OPCML: variants seen among roughly 807,000 people sequenced by gnomAD.
OPCML encodes the protein opioid binding protein/cell adhesion molecule like, also known as opioid-binding protein/cell adhesion molecule.
OPCML carries 13 observed loss-of-function variants against 37.8 expected under a neutral mutation model. The ratio of observed to expected loss-of-function variants is 0.34; its 90% confidence interval spans 0.22 to 0.55. The LOEUF (loss-of-function observed/expected upper bound fraction) is 0.55. Ranked by LOEUF, OPCML falls within the 20% of genes least tolerant of loss-of-function variation. OPCML has a pLI of 0.91. For missense variants in OPCML, 341 were observed against 435.6 expected (o/e 0.78, Z 1.93); for synonymous variants, 176 against 168.8 (o/e 1.04, Z -0.33).
At chr11:133,120,690 A>G (rs1292376602) in intron 1 of OPCML, among the ~76,000 whole-genome samples, 2 of 152,208 alleles carry the variant, frequency 1.3e-5, no homozygotes, top group Non-Finnish European at 2.9e-5. Flanking sequence ...AATGAATGAA[A>G]TCAGTTTGGA....
intron 3 of OPCML, among the ~76,000 whole-genome samples, chr11:132,637,403 G>A (rs1032225160): frequency 2.0e-5 from 3 of 152,088 alleles, no homozygotes; most frequent in Non-Finnish European, 2.9e-5. Context: ...CTGCTGTTGA[G>A]GCTGTTGAAG....
intron 1 of OPCML, among the ~76,000 whole-genome samples, chr11:133,194,142 C>G (rs990713746): frequency 6.6e-6 from 1 of 151,820 alleles, no homozygotes; most frequent in African/African-American, 2.4e-5. Context: ...CCAAACCTGA[C>G]TCCCTCCACT....
At chr11:133,474,990 C>T (rs1422533082) in intron 1 of OPCML, among the ~76,000 whole-genome samples, 1 of 152,124 alleles carries the variant, frequency 6.6e-6, no homozygotes, top group Non-Finnish European at 1.5e-5. Context: ...GTGCAGGCAC[C>T]TACCACGGTT....
intron 1 of OPCML, among the ~76,000 whole-genome samples, chr11:133,318,371 C>T (rs1244535904): frequency 2.0e-5 from 3 of 152,170 alleles, no homozygotes; most frequent in Non-Finnish European, 4.4e-5. Flanking sequence ...TCTGATTAGG[C>T]TCCACCTCCT....
intron 2 of OPCML, among the ~76,000 whole-genome samples, chr11:132,669,094 A>G (rs1339155087): frequency 6.6e-6 from 1 of 152,124 alleles, no homozygotes. Context: ...TGGGAGATCA[A>G]TCAACACAAT....
intron 3 of OPCML, among the ~76,000 whole-genome samples, chr11:132,646,801 C>G (rs193186236): frequency 6.6e-6 from 1 of 152,166 alleles, no homozygotes; most frequent in East Asian, 1.9e-4. Flanking sequence ...TGTTAAGATT[C>G]CTAAGGGATA....
intron 1 of OPCML, among the ~76,000 whole-genome samples, chr11:133,428,553 T>C (rs1483223318): frequency 1.3e-5 from 2 of 151,834 alleles, no homozygotes; most frequent in African/African-American, 4.8e-5. Flanking sequence ...AAATACATAA[T>C]GGAATAAAAT....
intron 1 of OPCML, among the ~76,000 whole-genome samples, chr11:133,432,568 T>C (rs1265748374): frequency 1.3e-5 from 2 of 152,168 alleles, no homozygotes; most frequent in Admixed American, 1.3e-4. Flanking sequence ...TTGTAATTTG[T>C]TGTTCTTTCT....
intron 1 of OPCML, among the ~76,000 whole-genome samples, chr11:132,985,869 T>C (rs548928713): frequency 6.6e-6 from 1 of 152,228 alleles, no homozygotes; most frequent in African/African-American, 2.4e-5. Context: ...AGTCTGAATG[T>C]ATTTTCTCTT....
chr11:132,427,272 T>C (rs931484438), intron 7 of OPCML, among the ~76,000 whole-genome samples: 3 of 152,196 alleles, frequency 2.0e-5, no homozygotes, highest in Non-Finnish European at 4.4e-5. Flanking sequence ...TTTGTAAGTA[T>C]GATTATGAAC....
At chr11:133,131,306 C>T (rs954952405) in intron 1 of OPCML, among the ~76,000 whole-genome samples, 1 of 152,110 alleles carries the variant, frequency 6.6e-6, no homozygotes, top group Non-Finnish European at 1.5e-5. Context: ...AAGTCACAGA[C>T]CTTACGTCTT....
At chr11:133,109,306 G>A in intron 1 of OPCML, among the ~76,000 whole-genome samples, 1 of 152,246 alleles carries the variant, frequency 6.6e-6, no homozygotes, top group South Asian at 2.1e-4. Flanking sequence ...AAAAGAACAA[G>A]GACTCCACAG....
intron 2 of OPCML, among the ~76,000 whole-genome samples, chr11:132,851,537 G>T (rs1034944615): frequency 1.3e-5 from 2 of 152,028 alleles, no homozygotes; most frequent in African/African-American, 4.8e-5. Flanking sequence ...CCAAGAAAAG[G>T]GTTCACTTTT....
At chr11:132,880,416 A>G (rs1013976684) in intron 2 of OPCML, among the ~76,000 whole-genome samples, 3 of 152,096 alleles carry the variant, frequency 2.0e-5, no homozygotes, top group Non-Finnish European at 2.9e-5. Flanking sequence ...TTCCCCTATT[A>G]TAATACCACA....
chr11:133,489,724 T>C (rs1029820430), intron 1 of OPCML, among the ~76,000 whole-genome samples: 8 of 152,036 alleles, frequency 5.3e-5, no homozygotes, highest in Non-Finnish European at 1.0e-4. Flanking sequence ...TTCAAAAAGA[T>C]ACCCACACTC....
chr11:132,582,773 T>C (rs1339217554), intron 3 of OPCML, among the ~76,000 whole-genome samples: 1 of 151,638 alleles, frequency 6.6e-6, no homozygotes, highest in Non-Finnish European at 1.5e-5. Flanking sequence ...CGTTCAGTCA[T>C]GCAGGCAGCA....
intron 1 of OPCML, among the ~76,000 whole-genome samples, chr11:133,516,294 G>C (rs775032708): frequency 6.6e-6 from 1 of 152,174 alleles, no homozygotes; most frequent in African/African-American, 2.4e-5. Flanking sequence ...TCTCCACTGC[G>C]TTCTGTTATG....
chr11:132,789,767 A>T (rs1279243291), intron 2 of OPCML, among the ~76,000 whole-genome samples: 1 of 152,220 alleles, frequency 6.6e-6, no homozygotes, highest in Non-Finnish European at 1.5e-5. Flanking sequence ...TTCAAAGCAA[A>T]GCTCGCTGCC....
intron 3 of OPCML, among the ~76,000 whole-genome samples, chr11:132,652,938 G>C (rs1941506015): frequency 6.6e-6 from 1 of 152,090 alleles, no homozygotes; most frequent in South Asian, 2.1e-4. Flanking sequence ...GCCTCAGACG[G>C]TGTGCTAAGT....
Sources: gnomAD v4.1 joint callset for allele counts (sites outside exome capture counted in the v4.1 genomes callset) on GRCh38, gnomAD v4.1.1 for gene constraint, MANE v1.5 for transcripts, NCBI Gene and HGNC (gene_info 2026-07-23, HGNC 2026-07-21) for gene names.